BRWD3: variants seen among roughly 807,000 people sequenced by gnomAD.
BRWD3 encodes the protein bromodomain and WD repeat domain containing 3.
A neutral mutation model predicts 149.7 loss-of-function variants in BRWD3; 10 were observed. The observed-to-expected ratio is 0.07, with a 90% CI of 0.04 to 0.11. The LOEUF (loss-of-function observed/expected upper bound fraction) is 0.11, where lower values mean the gene tolerates loss of function less well. BRWD3 is among the 10% of genes least tolerant of loss of function. BRWD3 has a pLI of 1.00. For missense variants in BRWD3, 940 were observed against 1,373.2 expected, an observed-to-expected ratio of 0.68 and a Z score of 4.99; for synonymous variants, 504 against 456.7, an observed-to-expected ratio of 1.10 and a Z score of -1.32.
intron 8 of BRWD3, among the ~76,000 whole-genome samples, chrX:80,738,857 GCAAA>G (rs2073444207): frequency 8.9e-6 from 1 of 111,754 alleles, no homozygotes; most frequent in African/African-American, 3.3e-5. Flanking sequence ...AGTGAAAAAG[GCAAA>G]CAAACACGCA....
intron 25 of BRWD3, among the ~76,000 whole-genome samples, chrX:80,698,663 C>T (rs963691353): frequency 9.4e-6 from 1 of 106,122 alleles, no homozygotes; most frequent in Non-Finnish European, 1.9e-5. Flanking sequence ...GAGCCGAGAT[C>T]GCTCTACTGC....
At position 80,707,607 on chromosome X, in the gene BRWD3, C is replaced by G. The variant is rs948329838; in HGVS notation, c.2476-104G>C. 191 of 764,349 alleles carry G rather than the reference C, an allele frequency of 2.5e-4. 1 individual carries two copies. The highest frequency in any genetic ancestry group is 3.5e-5 in the Non-Finnish European group (18 of 512,935). 63.0% of individuals were successfully genotyped at this position (764,349 alleles called of 1,213,427 possible). A position where few individuals can be genotyped will look rare whatever the true frequency, so the allele number is the denominator to read the frequency against. On this transcript the variant is annotated intron_variant, in intron 21 of 40. Transcript: ENST00000373275. ...TTATAGCATTTTTTTGAATTCTGCC[C>G]TCAAAAAATGTTCTTCTTAAAACGC...
At chrX:80,710,690 T>A in intron 20 of BRWD3, 1 of 811,873 alleles carries the variant, frequency 1.2e-6, no homozygotes, top group South Asian at 2.0e-5. Context: ...AAAAGGCTGA[T>A]GAACCAATGG....
In BRWD3 at chrX:80,733,595, G is replaced by GT. The variant is rs370277579; in HGVS notation, c.1087-100dup. ...TCATAGGCAAAAACATCATGAAGTAGTTTTTTTTTTTTTTAATTTCAATGA... is the reference window on the plus strand; with the variant it reads ...TCATAGGCAAAAACATCATGAAGTAGTTTTTTTTTTTTTTTAATTTCAATGA... On this transcript the variant is annotated intron_variant, in intron 11 of 40. Coordinates refer to ENST00000373275, the MANE Select transcript of BRWD3 (RefSeq NM_153252.5). 0.099 allele frequency: 41,673 copies of GT among 419,234 alleles called. 8 individuals carry two copies. Among genetic ancestry groups the GT allele is most frequent in the East Asian group, 0.13 (2,524 of 19,557 alleles). 34.5% of individuals were successfully genotyped at this position (419,234 alleles called of 1,213,427 possible). A position where few individuals can be genotyped will look rare whatever the true frequency, so the allele number is the denominator to read the frequency against.
chrX:80,682,208 G>T lies in BRWD3; in HGVS notation c.4398-114C>A, dbSNP rs113832830. On this transcript the variant is annotated intron_variant, in intron 38 of 40. Coordinates refer to ENST00000373275, the MANE Select transcript of BRWD3 (RefSeq NM_153252.5). ...GGTCAGGTATTAGCTGGCCAAAGAAGAAATGCCCTAAAATTCATGAAATAG... is the reference window on the plus strand; with the variant it reads ...GGTCAGGTATTAGCTGGCCAAAGAATAAATGCCCTAAAATTCATGAAATAG... The T allele has an allele frequency of 4.9e-3, 3,183 of 648,059 alleles. 67 individuals carry two copies. The African/African-American group carries it at 0.062, about 13-fold the overall frequency. The allele number at this position is 648,059 out of a possible 1,213,427, so 53.4% of individuals were successfully genotyped here.
Position 80,809,180 on chromosome X carries a change from C to A in BRWD3, c.90+66G>T. ...CCTCACCCTCAACGGAACTGCTCGT[C>A]CCGCTGCCTCGATTTCCCCACTGGG... On this transcript the variant is annotated intron_variant, in intron 2 of 40. Transcript: ENST00000373275. The A allele has an allele frequency of 8.7e-6, 10 of 1,152,623 alleles. 1 individual carries two copies. The highest frequency in any genetic ancestry group is 1.2e-5 in the Non-Finnish European group (10 of 854,612). The allele number at this position is 1,152,623 out of a possible 1,213,427, so 95.0% of individuals were successfully genotyped here. A position where few individuals can be genotyped will look rare whatever the true frequency, so the allele number is the denominator to read the frequency against.
intron 6 of BRWD3, among the ~76,000 whole-genome samples, chrX:80,759,016 T>C (rs2073774688): frequency 9.0e-6 from 1 of 111,648 alleles, no homozygotes; most frequent in African/African-American, 3.3e-5. Context: ...CTCTAGTTTA[T>C]CAATGTCTGA....
chrX:80,734,297 T>C, intron 10 of BRWD3, 79 bp from the exon 11 acceptor site: 1 of 627,878 alleles, frequency 1.6e-6, no homozygotes. Context: ...AGTTGTATGC[T>C]ACCTTGCATT....
chrX:80,767,573 A>C (rs1377817528), intron 6 of BRWD3, among the ~76,000 whole-genome samples: 1 of 112,069 alleles, frequency 8.9e-6, no homozygotes, highest in Non-Finnish European at 1.9e-5. Flanking sequence ...CAAACATCAA[A>C]GGTAGATAAA....
chrX:80,712,100 C>T (rs2072978537), intron 20 of BRWD3, among the ~76,000 whole-genome samples: 2 of 111,706 alleles, frequency 1.8e-5, no homozygotes, highest in Admixed American at 1.9e-4. Context: ...CAACCCCCCA[C>T]CTCTGAAATA....
chrX:80,790,535 T>C (rs1295180114), intron 6 of BRWD3, among the ~76,000 whole-genome samples: 3 of 111,658 alleles, frequency 2.7e-5, no homozygotes, highest in Non-Finnish European at 3.8e-5. Context: ...TGACAATTCC[T>C]AAGCAATTAC....
intron 6 of BRWD3, among the ~76,000 whole-genome samples, chrX:80,749,088 A>G (rs1388257517): frequency 8.9e-6 from 1 of 112,069 alleles, no homozygotes; most frequent in Non-Finnish European, 1.9e-5. Context: ...ATCTTCTTAA[A>G]TTTGTTAAGA....
At chrX:80,751,981 CATTATTATTATTATTATTATT>C (rs199879142) in intron 6 of BRWD3, among the ~76,000 whole-genome samples, 15 of 87,740 alleles carry the variant, frequency 1.7e-4, no homozygotes, top group Non-Finnish European at 2.0e-4. Context: ...ATTCATATTT[CATTATTATTATTATTATTATT>C]ATTATTATTA....
chrX:80,726,189 AAC>A (rs1442392222), intron 14 of BRWD3, among the ~76,000 whole-genome samples: 3 of 107,399 alleles, frequency 2.8e-5, no homozygotes, highest in African/African-American at 1.0e-4. Context: ...TATAACATAT[AAC>A]ACGTTTACAT....
At position 80,671,854 on chromosome X, in the gene BRWD3, A is replaced by G. The variant is rs1375671095; in HGVS notation, c.*4755T>C. On this transcript the variant is annotated 3_prime_UTR_variant, in exon 41 of 41. Coordinates refer to ENST00000373275, the MANE Select transcript of BRWD3 (RefSeq NM_153252.5). ...TAAGACATTACAAAAGACAAGAATG[A>G]TAAGTTACAGGACAAAGAAATAAAT... 8.9e-6 allele frequency: 1 copy of G among 112,026 alleles called. No homozygotes were observed. The highest frequency in any genetic ancestry group is 1.9e-5 in the Non-Finnish European group (1 of 53,183). The allele number at this position is 112,026 out of a possible 1,213,427, so 9.2% of individuals were successfully genotyped here.
intron 4 of BRWD3, among the ~76,000 whole-genome samples, chrX:80,806,802 G>C (rs2074351901): frequency 8.9e-6 from 1 of 112,180 alleles, no homozygotes; most frequent in African/African-American, 3.2e-5. Context: ...AAAATATGAA[G>C]CATAAAATGG....
chrX:80,756,645 T>C (rs1352504478), intron 6 of BRWD3, among the ~76,000 whole-genome samples: 1 of 111,343 alleles, frequency 9.0e-6, no homozygotes, highest in Non-Finnish European at 1.9e-5. Flanking sequence ...CAAATGTTAA[T>C]GGTTGATAAT....
At chrX:80,764,044 G>A (rs772579851) in intron 6 of BRWD3, among the ~76,000 whole-genome samples, 11 of 111,497 alleles carry the variant, frequency 9.9e-5, no homozygotes, top group Non-Finnish European at 1.9e-4. Context: ...CAGAATAAAG[G>A]GCCAAAAAAA....
chrX:80,779,753 A>T (rs1358757524), intron 6 of BRWD3, among the ~76,000 whole-genome samples: 2 of 112,115 alleles, frequency 1.8e-5, no homozygotes, highest in Non-Finnish European at 3.8e-5. Context: ...ACAAAGGTAT[A>T]GAATTACTTC....
Sources: allele counts gnomAD v4.1 joint callset (sites outside exome capture counted in the v4.1 genomes callset), GRCh38; gene constraint gnomAD v4.1.1; transcripts MANE v1.5; gene names NCBI Gene and HGNC (gene_info 2026-07-23, HGNC 2026-07-21).